DYSF: variants seen among roughly 807,000 people sequenced by gnomAD.
DYSF encodes the protein dystrophy-associated fer-1-like 1.
DYSF carries 212 observed loss-of-function variants against 274.9 expected under a neutral mutation model. The observed-to-expected ratio is 0.77, with a 90% confidence interval of 0.69 to 0.86. The LOEUF (loss-of-function observed/expected upper bound fraction) is 0.86, where lower values mean the gene tolerates loss of function less well. Among genes scored for constraint, DYSF ranks in the 40% least tolerant of loss-of-function variants. DYSF has a pLI of 0.00. For missense variants in DYSF, 2,666 were observed against 2,783.2 expected, an observed-to-expected ratio of 0.96 and a Z score of 0.95; for synonymous variants, 1,091 against 1,078.7, an observed-to-expected ratio of 1.01 and a Z score of -0.22.
intron 55 of DYSF, among the ~76,000 whole-genome samples, chr2:71,682,986 T>C (rs2095314452): frequency 6.6e-6 from 1 of 152,098 alleles, no homozygotes; most frequent in South Asian, 2.1e-4. Context: ...ATGAGGCCCT[T>C]TGGGTTGCGG....
intron 22 of DYSF, among the ~76,000 whole-genome samples, chr2:71,557,036 G>A (rs2091388247): frequency 6.6e-6 from 1 of 152,166 alleles, no homozygotes; most frequent in Non-Finnish European, 1.5e-5. Flanking sequence ...CCAGAGAAAT[G>A]CTCCCGGCCC....
intron 42 of DYSF, among the ~76,000 whole-genome samples, chr2:71,647,478 G>C (rs1039113788): frequency 6.6e-6 from 1 of 152,208 alleles, no homozygotes; most frequent in African/African-American, 2.4e-5. Flanking sequence ...CTTCCAGTAT[G>C]AACATGGCTG....
At chr2:71,592,060 C>T (rs927002941) in intron 32 of DYSF, among the ~76,000 whole-genome samples, 9 of 152,228 alleles carry the variant, frequency 5.9e-5, no homozygotes, top group South Asian at 2.1e-4. Context: ...AGGACATGGA[C>T]GAGTTTATAG....
chr2:71,671,411 G>C (rs2095118891), intron 51 of DYSF, among the ~76,000 whole-genome samples: 1 of 152,264 alleles, frequency 6.6e-6, no homozygotes, highest in Non-Finnish European at 1.5e-5. Flanking sequence ...CTCTGCTGCA[G>C]ACAGAGGGAG....
chr2:71,569,856 C>G lies in DYSF; in HGVS notation c.2901C>G (p.Phe967Leu). Reference protein sequence around the residue: ...LHDMDAGHLSFVEEVFENQTR... With the variant: ...LHDMDAGHLSLVEEVFENQTR... Reference sequence around the variant, plus strand: ...ACATGGACGCCGGTCACCTGAGCTTCGTGGAAGAGGTGTTTGAGAACCAGA... The same window carrying G: ...ACATGGACGCCGGTCACCTGAGCTTGGTGGAAGAGGTGTTTGAGAACCAGA... Residue 967 changes from phenylalanine (F) to leucine (L), a missense_variant, in exon 27 of 56, where the codon TTC becomes TTG. Phe to Leu is a conservative substitution (Grantham distance 22). Coordinates refer to ENST00000410020, the MANE Select transcript of DYSF (RefSeq NM_001130987.2). 1 of 1,614,158 alleles carries G rather than the reference C, an allele frequency of 6.2e-7. No individual in the cohort carries two copies. The highest frequency in any genetic ancestry group is 8.5e-7 in the Non-Finnish European group (1 of 1,180,042).
At chr2:71,613,227 G>C (rs1414049593) in intron 39 of DYSF, 107 bp from the exon 40 acceptor site, 4 of 935,884 alleles carry the variant, frequency 4.3e-6, no homozygotes, top group Non-Finnish European at 6.8e-6. Flanking sequence ...GAAATGTGGA[G>C]AGACTGCAGG....
chr2:71,526,418 T>TGGGGTGGTGGGGGGGGGGGTG, intron 13 of DYSF, 72 bp downstream of exon 13: 1 of 261,506 alleles, frequency 3.8e-6, no homozygotes, highest in Non-Finnish European at 7.0e-6. Flanking sequence ...GGGTGGGCGA[T>TGGGGTGGTGGGGGGGGGGGTG]GGCGGGCGGG....
chr2:71,526,177 G>A, intron 12 of DYSF, 43 bp from the exon 13 acceptor site: 8 of 1,614,164 alleles, frequency 5.0e-6, no homozygotes, highest in Non-Finnish European at 5.1e-6. Flanking sequence ...AAAACCCTGT[G>A]CTCAGGAGCG....
chr2:71,489,598 AGGGGCTG>A (rs1482438353), intron 3 of DYSF, among the ~76,000 whole-genome samples: 1 of 152,186 alleles, frequency 6.6e-6, no homozygotes, highest in Non-Finnish European at 1.5e-5. Context: ...GTTTCCAGGA[AGGGGCTG>A]AACATGCTCT....
At chr2:71,578,285 G>A (rs143305280) in intron 30 of DYSF, among the ~76,000 whole-genome samples, 1 of 152,248 alleles carries the variant, frequency 6.6e-6, no homozygotes, top group East Asian at 1.9e-4. Context: ...GCTCCCATTG[G>A]CCCCCTACTT....
At chr2:71,483,165 C>T (rs1314805213) in intron 3 of DYSF, among the ~76,000 whole-genome samples, 1 of 152,176 alleles carries the variant, frequency 6.6e-6, no homozygotes, top group Non-Finnish European at 1.5e-5. Flanking sequence ...TTTCACTGGG[C>T]CCCCAAAAGT....
In DYSF at chr2:71,517,044, T is replaced by C; in HGVS notation, c.1002+5T>C. The C allele has an allele frequency of 6.2e-7, 1 of 1,614,064 alleles. No individual in the cohort carries two copies. ...GCTCTCCTCGGGGAGTTCCGGGTAATTGCTTATTTTCTATGAAAGCAGTCA... is the reference window on the plus strand; with the variant it reads ...GCTCTCCTCGGGGAGTTCCGGGTAACTGCTTATTTTCTATGAAAGCAGTCA... On this transcript the variant is annotated splice_donor_5th_base_variant and intron_variant, in intron 10 of 55. Transcript: ENST00000410020.
chr2:71,672,914 C>A, intron 51 of DYSF, among the ~76,000 whole-genome samples: 1 of 152,360 alleles, frequency 6.6e-6, no homozygotes, highest in African/African-American at 2.4e-5. Context: ...GCAGTCCAGG[C>A]CGTGGCTGGG....
At position 71,466,782 on chromosome 2, in the gene DYSF, G is replaced by A; in HGVS notation, c.-61G>A. 6.9e-7 allele frequency: 1 copy of A among 1,446,822 alleles called. No individual in the cohort carries two copies. The allele number at this position is 1,446,822 out of a possible 1,614,324, so 89.6% of individuals were successfully genotyped here. A position where few individuals can be genotyped will look rare whatever the true frequency, so the allele number is the denominator to read the frequency against. On this transcript the variant is annotated 5_prime_UTR_variant, in exon 1 of 56. Coordinates refer to ENST00000410020, the MANE Select transcript of DYSF (RefSeq NM_001130987.2). ...CGGGCGCTTGCTGGGTGGGTGCTCG[G>A]GCCCGGTGCTCCCGCTCCCGCCCTG...
At chr2:71,510,203 C>T (rs1443265997) in intron 4 of DYSF, among the ~76,000 whole-genome samples, 1 of 152,158 alleles carries the variant, frequency 6.6e-6, no homozygotes, top group East Asian at 1.9e-4. Context: ...TCCAAAGAGC[C>T]CAACTTACCT....
At chr2:71,553,678 C>A in intron 20 of DYSF, 129 bp from the exon 21 acceptor site, 1 of 1,198,374 alleles carries the variant, frequency 8.3e-7, no homozygotes, top group Non-Finnish European at 1.2e-6. Flanking sequence ...GTCTCTGTCC[C>A]ACGTGTGGTC....
At chr2:71,637,360 G>A (rs2094421107) in intron 41 of DYSF, among the ~76,000 whole-genome samples, 1 of 152,202 alleles carries the variant, frequency 6.6e-6, no homozygotes, top group African/African-American at 2.4e-5. Context: ...GGAGCAGAAG[G>A]GAAGGTAGCA....
At position 71,668,770 on chromosome 2, in the gene DYSF, G is replaced by C; in HGVS notation, c.5474G>C (p.Trp1825Ser). 6.2e-7 allele frequency: 1 copy of C among 1,613,814 alleles called. No homozygotes were observed. The highest frequency in any genetic ancestry group is 8.5e-7 in the Non-Finnish European group (1 of 1,179,980). The change falls in exon 49 of 56, where the codon TGG becomes TCG. Residue 1825 changes from tryptophan to serine, a missense_variant. Around this residue, in one of 3 missense-constraint regions of DYSF, gnomAD observed 1,460 missense variants for 1,502.1 expected, o/e 0.97. Transcript: ENST00000410020. ...TCTCCGCAGGGGAAGCTGCAGATGT[G>C]GGTCGACCTATTTCCGAAGGCCCTG... ...PDIEQGKLQMWVDLFPKALGR... is the reference protein window; with the variant it reads ...PDIEQGKLQMSVDLFPKALGR...
Position 71,645,386 on chromosome 2 carries a change from C to T in DYSF, c.4626+1323C>T, listed in dbSNP as rs115231397. Among the ~76,000 whole-genome samples, 580 of 152,162 alleles carry T rather than the reference C, an allele frequency of 3.8e-3. 4 individuals carry two copies. Among genetic ancestry groups the T allele is most frequent in the African/African-American group, 0.013 (552 of 41,532 alleles). On this transcript the variant is annotated intron_variant, in intron 42 of 55. Coordinates refer to ENST00000410020, the MANE Select transcript of DYSF (RefSeq NM_001130987.2). ...CTCCCACCACCAGGACCAAACTCCACGTTGTTCCGCTGGTCAATGGCCTGC... is the reference window on the plus strand; with the variant it reads ...CTCCCACCACCAGGACCAAACTCCATGTTGTTCCGCTGGTCAATGGCCTGC...
Sources: allele counts gnomAD v4.1 joint callset (sites outside exome capture counted in the v4.1 genomes callset), GRCh38; gene constraint gnomAD v4.1.1; regional missense constraint gnomAD v4.1.1; transcripts MANE v1.5; gene names NCBI Gene and HGNC (gene_info 2026-07-23, HGNC 2026-07-21).